Variants in MCHR2 observed in about 807,000 individuals in gnomAD.
The protein encoded by MCHR2 is melanin concentrating hormone receptor 2, also known as melanin-concentrating hormone receptor 2.
Under a neutral mutation model 24.8 loss-of-function variants are expected in MCHR2, and 15 were observed. That is an observed-to-expected ratio of 0.60 (90% CI 0.40 to 0.93). MCHR2 has a LOEUF of 0.93. MCHR2 is among the 40% of genes least tolerant of loss of function. The pLI is 0.00. For missense variants in MCHR2, 386 were observed against 408.7 expected (o/e 0.94, Z 0.48); for synonymous variants, 151 against 147.6 (o/e 1.02, Z -0.17).
chr6:99,950,162 T>C (rs1293295903), intron 2 of MCHR2, among the ~76,000 whole-genome samples: 2 of 152,132 alleles, frequency 1.3e-5, no homozygotes, highest in African/African-American at 2.4e-5. Flanking sequence ...CTAGATGATA[T>C]TCTGTATAGT....
Position 99,934,462 on chromosome 6 carries a change from C to A in MCHR2, c.643G>T (p.Val215Leu), listed in dbSNP as rs1774611332. Residue 215 changes from valine to leucine, a missense_variant, in exon 5 of 6, where the codon GTG becomes TTG. Val to Leu is a conservative substitution (Grantham distance 32). Transcript: ENST00000281806. ...TAGCATAAAATTAAAATATAGCACA[C>A]CAAAATCAAGGGTAGAGGGAAAAAA... ...TFFFPLPLIL[V>L]CYILILCYTW... 1.2e-6 allele frequency: 2 copies of A among 1,603,764 alleles called. No homozygotes were observed. The highest frequency in any genetic ancestry group is 1.4e-5 in the African/African-American group (1 of 74,032).
Position 99,955,973 on chromosome 6 carries a change from T to G in MCHR2, c.175A>C (p.Ile59Leu). Residue 59 changes from isoleucine (I) to leucine (L), a missense_variant, in exon 2 of 6, where the codon ATA becomes CTA. Coordinates refer to ENST00000281806, the MANE Select transcript of MCHR2 (RefSeq NM_001040179.2). The part of the protein sequence containing the change: ...LVGNILIVFT[I>L]IRSRKKTVPD... ...AAAGGAGCCATTCCTTACCTTATTA[T>G]AGTGAATACAATGAGGATGTTGCCA... 2 of 1,587,718 alleles carry G rather than the reference T, an allele frequency of 1.3e-6. No individual in the cohort carries two copies. Among genetic ancestry groups the G allele is most frequent in the Non-Finnish European group, 1.7e-6 (2 of 1,170,328 alleles).
intron 1 of MCHR2, among the ~76,000 whole-genome samples, chr6:99,990,160 C>G (rs368522563): frequency 6.6e-6 from 1 of 152,256 alleles, no homozygotes; most frequent in Admixed American, 6.5e-5. Flanking sequence ...ATATTTAGAA[C>G]AAGGTGGGAC....
rs569382852 is a variant in MCHR2 at position 99,987,772 on chromosome 6, T to C, written c.-28+6164A>G. Reference sequence around the variant, plus strand: ...AAATTGAAATAAATGGATAAACATATAAAAGTGACTGAAGTCACTTCATTA... The same window carrying C: ...AAATTGAAATAAATGGATAAACATACAAAAGTGACTGAAGTCACTTCATTA... On this transcript the variant is annotated intron_variant, in intron 1 of 5. Coordinates refer to ENST00000281806, the MANE Select transcript of MCHR2 (RefSeq NM_001040179.2). 2.6e-5 allele frequency among the ~76,000 whole-genome samples: 4 copies of C among 152,268 alleles called. No individual in the cohort carries two copies. The East Asian group carries it at 5.8e-4, about 22-fold the overall frequency.
chr6:99,962,101 C>T (rs925424352), intron 1 of MCHR2, among the ~76,000 whole-genome samples: 3 of 152,106 alleles, frequency 2.0e-5, no homozygotes, highest in African/African-American at 7.2e-5. Flanking sequence ...ATCCAAATTG[C>T]CAGCATTACT....
chr6:99,968,132 T>C (rs1215130836), intron 1 of MCHR2, among the ~76,000 whole-genome samples: 1 of 152,224 alleles, frequency 6.6e-6, no homozygotes, highest in Non-Finnish European at 1.5e-5. Context: ...ATCATCATTA[T>C]GCACTAGATT....
At chr6:99,930,754 A>G (rs566179547) in intron 5 of MCHR2, among the ~76,000 whole-genome samples, 3 of 152,002 alleles carry the variant, frequency 2.0e-5, no homozygotes, top group Non-Finnish European at 4.4e-5. Context: ...ATTTTTTTTC[A>G]AAGTTTTTAA....
chr6:99,988,122 G>C (rs1775802502), intron 1 of MCHR2, among the ~76,000 whole-genome samples: 1 of 152,158 alleles, frequency 6.6e-6, no homozygotes, highest in Non-Finnish European at 1.5e-5. Context: ...CATTTGGGCT[G>C]TCTCCTACTG....
intron 2 of MCHR2, among the ~76,000 whole-genome samples, chr6:99,954,365 G>T (rs565770455): frequency 6.6e-6 from 1 of 152,226 alleles, no homozygotes; most frequent in South Asian, 2.1e-4. Context: ...CTATTAGGTA[G>T]TGCAGGTTGG....
rs1357523919 is a variant in MCHR2 at position 99,918,793 on chromosome 6, C to T, written c.*2147G>A. On this transcript the variant is annotated 3_prime_UTR_variant, in exon 6 of 6. Coordinates refer to ENST00000281806, the MANE Select transcript of MCHR2 (RefSeq NM_001040179.2). ...AAGGGACAAAAATAAATTTATTAAT[C>T]ACCCTTTTTATTTTCTACTTTGATT... Among the ~76,000 whole-genome samples the T allele has an allele frequency of 1.3e-5, 2 of 152,116 alleles. No homozygotes were observed. The highest frequency in any genetic ancestry group is 4.8e-5 in the African/African-American group (2 of 41,430).
At chr6:99,962,614 C>G (rs746370970) in intron 1 of MCHR2, among the ~76,000 whole-genome samples, 1 of 152,120 alleles carries the variant, frequency 6.6e-6, no homozygotes, top group Non-Finnish European at 1.5e-5. Flanking sequence ...AGGTTAAAGA[C>G]TTAAATGTAT....
intron 1 of MCHR2, among the ~76,000 whole-genome samples, chr6:99,974,922 G>T (rs868318035): frequency 6.6e-6 from 1 of 152,150 alleles, no homozygotes; most frequent in Non-Finnish European, 1.5e-5. Context: ...CTGCCTGATC[G>T]TTCCTCTGGA....
intron 5 of MCHR2, among the ~76,000 whole-genome samples, chr6:99,927,277 C>G (rs1185217633): frequency 6.6e-6 from 1 of 152,164 alleles, no homozygotes; most frequent in Non-Finnish European, 1.5e-5. Flanking sequence ...CATGATGCCT[C>G]CAGCTTTGTT....
chr6:99,931,856 C>T (rs1160492195), intron 5 of MCHR2, among the ~76,000 whole-genome samples: 1 of 152,166 alleles, frequency 6.6e-6, no homozygotes. Flanking sequence ...GTCCTGCACC[C>T]ACTGTCTGGC....
intron 5 of MCHR2, among the ~76,000 whole-genome samples, chr6:99,925,405 A>G (rs920966423): frequency 6.6e-6 from 1 of 152,048 alleles, no homozygotes; most frequent in African/African-American, 2.4e-5. Flanking sequence ...CAATGTTATT[A>G]TTGATAAGCA....
At chr6:99,960,250 A>G in intron 1 of MCHR2, among the ~76,000 whole-genome samples, 1 of 152,106 alleles carries the variant, frequency 6.6e-6, no homozygotes. Flanking sequence ...ATTCTTTGAA[A>G]ATTAAAGAGA....
chr6:99,951,528 G>A (rs1259272805), intron 2 of MCHR2, among the ~76,000 whole-genome samples: 1 of 152,110 alleles, frequency 6.6e-6, no homozygotes, highest in East Asian at 1.9e-4. Context: ...CCTTAGGCAA[G>A]CGATTCAACT....
rs139867336 is a variant in MCHR2 at position 99,919,028 on chromosome 6, C to A, written c.*1912G>T. Among the ~76,000 whole-genome samples the A allele has an allele frequency of 6.6e-6, 1 of 152,106 alleles. No homozygotes were observed. On this transcript the variant is annotated 3_prime_UTR_variant, in exon 6 of 6. Coordinates refer to ENST00000281806, the MANE Select transcript of MCHR2 (RefSeq NM_001040179.2). ...ATCACATAATAAGATGTTTCTGACC[C>A]ATTGTGCTGGGTCTTCAGAAGTCAA...
At chr6:99,976,846 G>T (rs1268124985) in intron 1 of MCHR2, among the ~76,000 whole-genome samples, 1 of 152,176 alleles carries the variant, frequency 6.6e-6, no homozygotes, top group African/African-American at 2.4e-5. Context: ...TTCCAGTTTT[G>T]CCTTTAAGAA....
Sources: allele counts gnomAD v4.1 joint callset (sites outside exome capture counted in the v4.1 genomes callset), GRCh38; gene constraint gnomAD v4.1.1; transcripts MANE v1.5; gene names NCBI Gene and HGNC (gene_info 2026-07-23, HGNC 2026-07-21).